Variants in MEGF10 observed in about 807,000 individuals in gnomAD.
MEGF10 encodes the protein multiple epidermal growth factor-like domains protein 10.
In MEGF10, 86 loss-of-function variants were observed where a neutral mutation model predicts 147.5. The ratio of observed to expected loss-of-function variants is 0.58; its 90% CI spans 0.49 to 0.70. The LOEUF (loss-of-function observed/expected upper bound fraction) is 0.70, where lower values mean the gene tolerates loss of function less well. MEGF10 is among the 30% of genes least tolerant of loss of function. The pLI, the probability that MEGF10 is intolerant of heterozygous loss-of-function variation, is 0.00. For missense variants in MEGF10, 1,329 were observed against 1,487.3 expected (o/e 0.89, Z 1.75); for synonymous variants, 478 against 525.5 (o/e 0.91, Z 1.24).
intron 22 of MEGF10, among the ~76,000 whole-genome samples, chr5:127,453,930 C>T (rs1766256808): frequency 6.6e-6 from 1 of 152,190 alleles, no homozygotes; most frequent in South Asian, 2.1e-4. Flanking sequence ...CGGAACACTC[C>T]TATTTCCCTC....
chr5:127,451,292 A>T (rs1022772868), intron 22 of MEGF10, among the ~76,000 whole-genome samples: 6 of 152,216 alleles, frequency 3.9e-5, no homozygotes, highest in African/African-American at 1.4e-4. Flanking sequence ...TCCCTGTGGG[A>T]ATGCCTCTTT....
the MEGF10 span, among the ~76,000 whole-genome samples, chr5:127,278,340 G>C: frequency 1.8e-4 from 27 of 151,874 alleles, no homozygotes; most frequent in Non-Finnish European, 3.2e-4. Context: ...AAAAAAAAGA[G>C]AGCAGTATTA....
chr5:127,410,647 A>T (rs781027250), intron 9 of MEGF10, 46 bp downstream of exon 9: 8 of 1,509,218 alleles, frequency 5.3e-6, no homozygotes, highest in Non-Finnish European at 7.1e-6. Flanking sequence ...TGAAAGTTTT[A>T]ACCTTGGTTT....
chr5:127,454,156 A>G (rs925127916), intron 22 of MEGF10, among the ~76,000 whole-genome samples: 4 of 152,234 alleles, frequency 2.6e-5, no homozygotes, highest in Non-Finnish European at 5.9e-5. Context: ...AGTGAAGACA[A>G]TAATATAACC....
At chr5:127,289,589 CAAAT>C (rs1759145802), upstream of MEGF10, among the ~76,000 whole-genome samples, 1 of 152,132 alleles carries the variant, frequency 6.6e-6, no homozygotes, top group African/African-American at 2.4e-5. Flanking sequence ...GCTAAACAAA[CAAAT>C]AAACAAACAC....
At chr5:127,344,488 T>TG (rs1293516601) in intron 4 of MEGF10, among the ~76,000 whole-genome samples, 1 of 152,184 alleles carries the variant, frequency 6.6e-6, no homozygotes, top group Non-Finnish European at 1.5e-5. Flanking sequence ...GAACAGAGAA[T>TG]GAGATGCTTT....
At chr5:127,438,343 C>G (rs753391228) in intron 16 of MEGF10, 96 bp from the exon 17 acceptor site, 103 of 1,402,236 alleles carry the variant, frequency 7.3e-5, no homozygotes, top group Non-Finnish European at 9.3e-5. Context: ...CTGCTAACCT[C>G]TCACATGCAG....
At chr5:127,442,083 G>T (rs187091469) in intron 18 of MEGF10, among the ~76,000 whole-genome samples, 7 of 152,262 alleles carry the variant, frequency 4.6e-5, no homozygotes, top group Admixed American at 2.6e-4. Flanking sequence ...GTCTAAATAT[G>T]CATGGAAACC....
chr5:127,435,739 C>A (rs1765533507), intron 16 of MEGF10, among the ~76,000 whole-genome samples: 1 of 151,832 alleles, frequency 6.6e-6, no homozygotes, highest in African/African-American at 2.4e-5. Context: ...TTTCCTTATC[C>A]CCTTTTCAGT....
chr5:127,407,668 C>G (rs1764384957), intron 8 of MEGF10, among the ~76,000 whole-genome samples: 1 of 152,156 alleles, frequency 6.6e-6, no homozygotes, highest in South Asian at 2.1e-4. Flanking sequence ...TTTTTGAGAG[C>G]TTCTGTTCCA....
the MEGF10 span, among the ~76,000 whole-genome samples, chr5:127,232,194 G>A: frequency 6.6e-6 from 1 of 152,136 alleles, no homozygotes; most frequent in African/African-American, 2.4e-5. Context: ...TTTTCAAAAA[G>A]GAAATAATCA....
Position 127,321,159 on chromosome 5 carries a change from A to T in MEGF10, c.-18-10132A>T, listed in dbSNP as rs866942162. Among the ~76,000 whole-genome samples the T allele has an allele frequency of 9.9e-5, 15 of 152,192 alleles. 1 individual carries two copies. The highest frequency in any genetic ancestry group is 2.1e-4 in the Non-Finnish European group (14 of 68,034). On this transcript the variant is annotated intron_variant, in intron 1 of 24. Transcript: ENST00000503335. ...GAGTTCTGGGTTCTAGTGTTGAGCC[A>T]CCTACAAATGAGCTCTGTGATCATG...
rs1766042468 is a variant in MEGF10 at position 127,448,764 on chromosome 5, T to C, written c.2857-335T>C. On this transcript the variant is annotated intron_variant, in intron 21 of 24. Transcript: ENST00000503335. ...GTGATTCACACAAACATACAATTTT[T>C]GATGGAAGAACTTAGACCAAGAGTT... 2.0e-5 allele frequency among the ~76,000 whole-genome samples: 3 copies of C among 152,038 alleles called. No individual in the cohort carries two copies. The South Asian group carries it at 6.2e-4, about 32-fold the overall frequency.
At chr5:127,278,835 G>A in the MEGF10 span, among the ~76,000 whole-genome samples, 1 of 152,212 alleles carries the variant, frequency 6.6e-6, no homozygotes, top group Non-Finnish European at 1.5e-5. Context: ...GATATTGGAT[G>A]TTTGAAAAGA....
the MEGF10 span, among the ~76,000 whole-genome samples, chr5:127,269,684 A>G: frequency 2.8e-4 from 43 of 152,222 alleles, no homozygotes; most frequent in African/African-American, 9.9e-4. Flanking sequence ...TATCCAGGAG[A>G]AATTCCCCGA....
At chr5:127,373,152 T>C (rs1762903807) in intron 5 of MEGF10, among the ~76,000 whole-genome samples, 1 of 152,050 alleles carries the variant, frequency 6.6e-6, no homozygotes, top group African/African-American at 2.4e-5. Flanking sequence ...CCATTGTGTC[T>C]TTTTTTTGTT....
chr5:127,387,412 A>G (rs1277358921), intron 5 of MEGF10, among the ~76,000 whole-genome samples: 1 of 152,176 alleles, frequency 6.6e-6, no homozygotes, highest in Non-Finnish European at 1.5e-5. Flanking sequence ...ATTCTGATGA[A>G]CCTGCTGCTA....
At chr5:127,318,869 T>C (rs1275862060) in intron 1 of MEGF10, among the ~76,000 whole-genome samples, 1 of 152,218 alleles carries the variant, frequency 6.6e-6, no homozygotes. Flanking sequence ...TTACGGTACA[T>C]AAGCAATGCA....
chr5:127,313,814 A>G (rs547001940), intron 1 of MEGF10, among the ~76,000 whole-genome samples: 2 of 152,324 alleles, frequency 1.3e-5, no homozygotes, highest in African/African-American at 4.8e-5. Context: ...GGTCAGGCAG[A>G]CACCTCCCTC....
Sources: gnomAD v4.1 joint callset for allele counts (sites outside exome capture counted in the v4.1 genomes callset) on GRCh38, gnomAD v4.1.1 for gene constraint, MANE v1.5 for transcripts, NCBI Gene and HGNC (gene_info 2026-07-23, HGNC 2026-07-21) for gene names.